CHODL: variants seen among roughly 807,000 people sequenced by gnomAD.
CHODL encodes the protein chondrolectin, also known as transmembrane protein MT75.
A neutral mutation model predicts 34.5 loss-of-function variants in CHODL; 29 were observed. The ratio of observed to expected loss-of-function variants is 0.84; its 90% CI spans 0.63 to 1.15. The LOEUF is 1.15. Ranked by LOEUF, CHODL falls within the 50% of genes most tolerant of loss-of-function variation. The pLI, the probability that CHODL is intolerant of heterozygous loss-of-function variation, is 0.00. For missense variants in CHODL, 332 were observed against 332.5 expected (o/e 1.00, Z 0.01); for synonymous variants, 125 against 116.1 (o/e 1.08, Z -0.49).
chr21:18,089,223 G>A (rs1383441524), intron 2 of CHODL, among the ~76,000 whole-genome samples: 2 of 151,990 alleles, frequency 1.3e-5, no homozygotes, highest in African/African-American at 4.8e-5. Flanking sequence ...TGTTTATCCT[G>A]TTCTTACAGT....
chr21:18,155,150 T>A (rs59738229), intron 2 of CHODL, among the ~76,000 whole-genome samples: 3,839 of 152,290 alleles, frequency 0.025, 153 homozygotes, highest in African/African-American at 0.088. Flanking sequence ...TTTTTTCATA[T>A]CTTTGTTTCC....
At chr21:18,111,042 G>T (rs1378095835) in intron 2 of CHODL, among the ~76,000 whole-genome samples, 1 of 152,034 alleles carries the variant, frequency 6.6e-6, no homozygotes, top group Admixed American at 6.6e-5. Context: ...CCACACTAGG[G>T]GAATATTAGA....
intron 1 of CHODL, among the ~76,000 whole-genome samples, chr21:18,250,259 G>C (rs866519204): frequency 6.6e-6 from 1 of 151,926 alleles, no homozygotes; most frequent in Admixed American, 6.6e-5. Context: ...GAACTCTTAA[G>C]TCACAATGAT....
chr21:18,066,490 A>G (rs1375267944), intron 2 of CHODL, among the ~76,000 whole-genome samples: 1 of 152,222 alleles, frequency 6.6e-6, no homozygotes, highest in Non-Finnish European at 1.5e-5. Context: ...CATGAATAAG[A>G]GATCTTATCA....
chr21:18,134,366 G>A (rs538603814), intron 2 of CHODL: 2 of 517,470 alleles, frequency 3.9e-6, no homozygotes, highest in East Asian at 1.1e-4. Flanking sequence ...TGAGTGAAAG[G>A]TGGAGGTGTT....
At chr21:18,230,292 G>C (rs1333808013) in intron 2 of CHODL, among the ~76,000 whole-genome samples, 1 of 152,036 alleles carries the variant, frequency 6.6e-6, no homozygotes, top group Admixed American at 6.6e-5. Context: ...TCAAATTTTA[G>C]GCCACAGACA....
chr21:18,097,576 C>T (rs911570728), intron 2 of CHODL, among the ~76,000 whole-genome samples: 1 of 151,742 alleles, frequency 6.6e-6, no homozygotes, highest in East Asian at 1.9e-4. Flanking sequence ...GAAGAGATAC[C>T]AAAAATGAAA....
At chr21:17,940,663 T>G (rs1324370651) in intron 1 of CHODL, among the ~76,000 whole-genome samples, 1 of 152,332 alleles carries the variant, frequency 6.6e-6, no homozygotes, top group Non-Finnish European at 1.5e-5. Flanking sequence ...TTTATGCACT[T>G]AAAACGTTTC....
Position 18,147,236 on chromosome 21 carries a change from A to C in CHODL, c.-44-109273A>C, listed in dbSNP as rs533116527. ...AATGTTCTGGTTTGGTTATGTGTGT[A>C]CAGAGAAGAGGAATGGCCTGCTCCG... On this transcript the variant is annotated intron_variant, in intron 2 of 6. Coordinates refer to the CHODL transcript ENST00000400127. Among the ~76,000 whole-genome samples, 3 of 152,306 alleles carry C rather than the reference A, an allele frequency of 2.0e-5. No individual in the cohort carries two copies. In the South Asian group the frequency reaches 6.2e-4, roughly 32 times the overall value.
intron 2 of CHODL, among the ~76,000 whole-genome samples, chr21:18,155,121 T>TTA (rs978549752): frequency 4.1e-4 from 62 of 152,324 alleles, no homozygotes; most frequent in African/African-American, 1.5e-3. Flanking sequence ...ATTCATCCTG[T>TTA]TAGTACTAGA....
intron 3 of CHODL, among the ~76,000 whole-genome samples, chr21:18,259,060 A>G (rs1474938431): frequency 6.6e-6 from 1 of 152,216 alleles, no homozygotes; most frequent in Non-Finnish European, 1.5e-5. Flanking sequence ...ATTTCTACAG[A>G]ATGGATTATG....
At chr21:18,239,103 A>G (rs2074057240) in intron 2 of CHODL, among the ~76,000 whole-genome samples, 1 of 152,066 alleles carries the variant, frequency 6.6e-6, no homozygotes, top group African/African-American at 2.4e-5. Context: ...ATAGAAATAC[A>G]CTTACTTTTG....
intron 2 of CHODL, among the ~76,000 whole-genome samples, chr21:18,110,955 CTTG>C (rs1264787574): frequency 6.6e-6 from 1 of 152,066 alleles, no homozygotes; most frequent in African/African-American, 2.4e-5. Context: ...ATAGGGATCT[CTTG>C]TCTTGCCCTA....
At chr21:18,094,154 A>G (rs537835591) in intron 2 of CHODL, among the ~76,000 whole-genome samples, 14 of 152,322 alleles carry the variant, frequency 9.2e-5, no homozygotes, top group South Asian at 6.2e-4. Context: ...AAAAGGATCA[A>G]TTCAGCAACA....
chr21:18,131,377 A>G (rs1156264412), intron 2 of CHODL, among the ~76,000 whole-genome samples: 1 of 152,194 alleles, frequency 6.6e-6, no homozygotes, highest in African/African-American at 2.4e-5. Context: ...TAAATAAGCA[A>G]TATCACAAAT....
chr21:17,923,487 A>T (rs1399304188), intron 1 of CHODL, among the ~76,000 whole-genome samples: 1 of 143,500 alleles, frequency 7.0e-6, no homozygotes, highest in Non-Finnish European at 1.5e-5. Flanking sequence ...TTTGAGACGA[A>T]GTCTCGCATT....
At chr21:18,078,025 G>C (rs907508496) in intron 2 of CHODL, among the ~76,000 whole-genome samples, 2 of 152,036 alleles carry the variant, frequency 1.3e-5, no homozygotes, top group Non-Finnish European at 2.9e-5. Flanking sequence ...CAAACTATTG[G>C]GTTTATAATT....
chr21:17,998,236 C>A lies in CHODL; in HGVS notation c.-144-29636C>A, dbSNP rs373752502. Among the ~76,000 whole-genome samples the A allele has an allele frequency of 3.9e-5, 6 of 152,370 alleles. 1 individual carries two copies. The highest frequency in any genetic ancestry group is 1.3e-4 in the Admixed American group (2 of 15,306). ...TGATCTCCTTTGACTTCAGGTCTCA[C>A]ACCCAGGTCATGCTGATGCAAGAGG... On this transcript the variant is annotated intron_variant, in intron 1 of 6. Transcript: ENST00000400127.
At chr21:18,102,383 A>AT (rs2065226636) in intron 2 of CHODL, among the ~76,000 whole-genome samples, 1 of 152,144 alleles carries the variant, frequency 6.6e-6, no homozygotes. Flanking sequence ...TTTTGATTGG[A>AT]TTTTAATTGT....
Sources: allele counts gnomAD v4.1 joint callset (sites outside exome capture counted in the v4.1 genomes callset), GRCh38; gene constraint gnomAD v4.1.1; transcripts MANE v1.5; gene names NCBI Gene and HGNC (gene_info 2026-07-23, HGNC 2026-07-21).